Variants in PACS2 observed in about 807,000 individuals in gnomAD.
The protein encoded by PACS2 is PACS1-like protein.
PACS2 carries 36 observed loss-of-function variants against 113.0 expected under a neutral mutation model. That is an observed-to-expected ratio of 0.32 (90% CI 0.24 to 0.42). The LOEUF (loss-of-function observed/expected upper bound fraction) is 0.42, where lower values mean the gene tolerates loss of function less well. PACS2 is among the 10% of genes least tolerant of loss of function. The pLI, the probability that PACS2 is intolerant of heterozygous loss-of-function variation, is 1.00. For synonymous variants in PACS2, 589 were observed against 536.1 expected (o/e 1.10, Z -1.36); for missense variants, 1,015 against 1,239.5 (o/e 0.82, Z 2.72).
intron 8 of PACS2, among the ~76,000 whole-genome samples, chr14:105,375,812 C>T (rs2061335391): frequency 6.6e-6 from 1 of 152,216 alleles, no homozygotes; most frequent in Admixed American, 6.5e-5. Flanking sequence ...TGGACCCACT[C>T]AGACGTTCAC....
At chr14:105,369,716 C>A in intron 7 of PACS2, 125 bp from the exon 8 acceptor site, 2 of 735,912 alleles carry the variant, frequency 2.7e-6, no homozygotes, top group Non-Finnish European at 4.6e-6. Flanking sequence ...ATCAGCGTGG[C>A]TGGTGCTGAG....
At position 105,382,839 on chromosome 14, in the gene PACS2, C is replaced by G. The variant is rs1555412420; in HGVS notation, c.1551C>G (p.Leu517=). The change falls in exon 15 of 25, where the codon CTC becomes CTG. Residue 517 remains leucine (L), a synonymous_variant. Coordinates refer to ENST00000447393, the MANE Select transcript of PACS2 (RefSeq NM_001100913.3). ...CCGACGTCCTGCAGAGGCACACGCTCCCCGTGGTGTGCACGTGCTCTCCTG... is the reference window on the plus strand; with the variant it reads ...CCGACGTCCTGCAGAGGCACACGCTGCCCGTGGTGTGCACGTGCTCTCCTG... The part of the protein sequence containing the change: ...FLSDVLQRHT[L]PVVCTCSPAD... 1 of 1,606,556 alleles carries G rather than the reference C, an allele frequency of 6.2e-7. No individual in the cohort carries two copies. Among genetic ancestry groups the G allele is most frequent in the Non-Finnish European group, 8.5e-7 (1 of 1,178,766 alleles).
At position 105,365,362 on chromosome 14, in the gene PACS2, A is replaced by G. The variant is rs1340718665; in HGVS notation, c.424-1851A>G. Among the ~76,000 whole-genome samples the G allele has an allele frequency of 6.6e-6, 1 of 152,158 alleles. No individual in the cohort carries two copies. Among genetic ancestry groups the G allele is most frequent in the African/African-American group, 2.4e-5 (1 of 41,450 alleles). On this transcript the variant is annotated intron_variant, in intron 4 of 24. Transcript: ENST00000447393. The surrounding 1 kb of genome is among the most constrained non-coding windows in gnomAD (Gnocchi z 5.1). ...TGGAGTGTCGGGGCCTGGGACTTCC[A>G]GGGCCTGCAGATATCAAAATAGTGT...
chr14:105,380,028 G>C, intron 10 of PACS2, 52 bp from the exon 11 acceptor site: 1 of 1,503,020 alleles, frequency 6.7e-7, no homozygotes, highest in Non-Finnish European at 9.1e-7. Flanking sequence ...AGAAGTCAGC[G>C]CCTTGGCACC....
intron 19 of PACS2, 128 bp downstream of exon 19, chr14:105,385,845 C>A: frequency 1.9e-6 from 1 of 533,944 alleles, no homozygotes; most frequent in South Asian, 3.8e-5. Flanking sequence ...CCCTGAGGGC[C>A]ACCAGCTGCA....
intron 9 of PACS2, among the ~76,000 whole-genome samples, chr14:105,378,726 T>C (rs1294978211): frequency 6.6e-6 from 1 of 152,242 alleles, no homozygotes; most frequent in East Asian, 1.9e-4. Flanking sequence ...TTTTTTTCAC[T>C]TGAAAGGTCT....
chr14:105,301,709 C>T (rs1444224798), intron 1 of PACS2, among the ~76,000 whole-genome samples: 4 of 152,376 alleles, frequency 2.6e-5, no homozygotes, highest in African/African-American at 9.6e-5. Flanking sequence ...TCGTGGCCAC[C>T]TGTGGTTACC....
chr14:105,362,839 AAACTCC>A (rs1555406991), intron 4 of PACS2, among the ~76,000 whole-genome samples: 1 of 152,220 alleles, frequency 6.6e-6, no homozygotes, highest in Admixed American at 6.5e-5. Flanking sequence ...CAACAGAGCG[AAACTCC>A]AACTCAAATA....
At chr14:105,380,632 C>G (rs1164209448) in intron 11 of PACS2, among the ~76,000 whole-genome samples, 1 of 152,320 alleles carries the variant, frequency 6.6e-6, no homozygotes, top group African/African-American at 2.4e-5. Context: ...GGACTCCCCC[C>G]ACCCTCAGGT....
intron 4 of PACS2, among the ~76,000 whole-genome samples, chr14:105,363,565 G>A (rs1220548691): frequency 6.6e-6 from 1 of 152,168 alleles, no homozygotes; most frequent in African/African-American, 2.4e-5. Flanking sequence ...TCAGGGCCTT[G>A]CTCCGGATGA....
chr14:105,387,966 A>G (rs1432062772), intron 19 of PACS2, among the ~76,000 whole-genome samples: 2 of 152,256 alleles, frequency 1.3e-5, no homozygotes, highest in Admixed American at 1.3e-4. Flanking sequence ...GGCCACGTCC[A>G]GGCACTCCTG....
intron 13 of PACS2, 59 bp downstream of exon 13, chr14:105,382,117 A>G (rs1297881936): frequency 4.7e-6 from 7 of 1,497,766 alleles, no homozygotes; most frequent in Non-Finnish European, 6.2e-6. Flanking sequence ...CCTGGCACCA[A>G]CCAGAGCAGG....
Position 105,395,997 on chromosome 14 carries a change from G to A in PACS2, c.*1325G>A, listed in dbSNP as rs782646880. The A allele has an allele frequency of 2.0e-5, 3 of 152,240 alleles. No individual in the cohort carries two copies. Among genetic ancestry groups the A allele is most frequent in the Non-Finnish European group, 4.4e-5 (3 of 68,052 alleles). 9.4% of individuals were successfully genotyped at this position (152,240 alleles called of 1,614,324 possible). A position where few individuals can be genotyped will look rare whatever the true frequency, so the allele number is the denominator to read the frequency against. On this transcript the variant is annotated 3_prime_UTR_variant, in exon 25 of 25. Coordinates refer to ENST00000447393, the MANE Select transcript of PACS2 (RefSeq NM_001100913.3). ...AGGCCATGCTCAGAAAGCAAACGCA[G>A]GGCAGGGTGGGCCTCGAGCCGGGGC...
rs587631131 is a variant in PACS2 at position 105,348,286 on chromosome 14, A to G, written c.120-207A>G. On this transcript the variant is annotated intron_variant, in intron 1 of 24. Transcript: ENST00000447393. The surrounding 1 kb of genome is among the most constrained non-coding windows in gnomAD (Gnocchi z 6.4). ...GATGGGACCTCTGGCCCGGCAGCCA[A>G]CGGATGCTGAGGGGTGCCCACCATG... 2.5e-3 allele frequency among the ~76,000 whole-genome samples: 379 copies of G among 152,236 alleles called. 2 individuals are homozygous for G. The highest frequency in any genetic ancestry group is 8.1e-3 in the African/African-American group (337 of 41,546).
intron 1 of PACS2, among the ~76,000 whole-genome samples, chr14:105,343,213 C>T (rs587690306): frequency 6.6e-6 from 1 of 152,344 alleles, no homozygotes; most frequent in African/African-American, 2.4e-5. Context: ...TCCATCCTAT[C>T]ACGTATCGAT....
intron 8 of PACS2, chr14:105,371,908 G>A (rs2061171245): frequency 6.6e-6 from 1 of 152,280 alleles, no homozygotes; most frequent in South Asian, 2.1e-4. Flanking sequence ...CACCTTCTGT[G>A]TGTTGTGTGG....
chr14:105,382,114 C>G, intron 13 of PACS2, 56 bp downstream of exon 13: 1 of 1,500,706 alleles, frequency 6.7e-7, no homozygotes, highest in Non-Finnish European at 8.9e-7. Context: ...CACCCTGGCA[C>G]CAACCAGAGC....
intron 21 of PACS2, 119 bp from the exon 22 acceptor site, chr14:105,391,512 T>TTGCCCCC: frequency 3.1e-5 from 19 of 611,244 alleles, no homozygotes; most frequent in East Asian, 1.2e-4. Flanking sequence ...CACTGGGGAC[T>TTGCCCCC]CCCACCCTGC....
chr14:105,338,859 G>A (rs1005871479), intron 1 of PACS2, among the ~76,000 whole-genome samples: 14 of 152,118 alleles, frequency 9.2e-5, no homozygotes, highest in African/African-American at 3.4e-4. Context: ...CCATCTCCCC[G>A]CTCTTCTCCC....
Sources: gnomAD v4.1 joint callset for allele counts (sites outside exome capture counted in the v4.1 genomes callset) on GRCh38, gnomAD v4.1.1 for gene constraint, Gnocchi (gnomAD v3.1) non-coding constraint, MANE v1.5 for transcripts, NCBI Gene and HGNC (gene_info 2026-07-23, HGNC 2026-07-21) for gene names.